The following ACAP2 variants were observed in gnomAD, a reference collection of about 807,000 sequenced individuals.
ACAP2 encodes the protein arf-GAP with coiled-coil, ANK repeat and PH domain-containing protein 2.
Under a neutral mutation model 115.8 loss-of-function variants are expected in ACAP2, and 39 were observed. That is an observed-to-expected ratio of 0.34 (90% CI 0.26 to 0.44). ACAP2 has a LOEUF of 0.44. ACAP2 is among the 20% of genes least tolerant of loss of function. The pLI, the probability that ACAP2 is intolerant of heterozygous loss-of-function variation, is 1.00. For missense variants in ACAP2, 662 were observed against 927.6 expected (o/e 0.71, Z 3.72); for synonymous variants, 289 against 315.8 (o/e 0.92, Z 0.90).
chr3:195,442,736 C>T, intron 1 of ACAP2, 59 bp downstream of exon 1: 1 of 1,509,584 alleles, frequency 6.6e-7, no homozygotes, highest in African/African-American at 1.5e-5. Flanking sequence ...GCCCGGCTTT[C>T]ACGCCCCCAG....
At chr3:195,282,298 T>C in intron 22 of ACAP2, 1 of 152,228 alleles carries the variant, frequency 6.6e-6, no homozygotes, top group African/African-American at 2.4e-5. Flanking sequence ...ATGAAAGTGT[T>C]GGTGCTATAA....
At chr3:195,373,215 CAGA>C (rs1733294547) in intron 4 of ACAP2, among the ~76,000 whole-genome samples, 2 of 150,752 alleles carry the variant, frequency 1.3e-5, no homozygotes, top group African/African-American at 4.9e-5. Context: ...TGCTTGAGCC[CAGA>C]AGTTCGTTTA....
Position 195,442,976 on chromosome 3 carries a change from C to A in ACAP2, c.-129G>T, listed in dbSNP as rs1037842170. The A allele has an allele frequency of 2.4e-5, 19 of 804,652 alleles. 1 individual carries two copies. The highest frequency in any genetic ancestry group is 1.7e-4 in the Admixed American group (4 of 23,894). 49.8% of individuals were successfully genotyped at this position (804,652 alleles called of 1,614,324 possible). ...TTGCGCGGAGCTGCGAAGGGCGCCT[C>A]GCCCGCTGGTCATAGCAGCCGCGAA... On this transcript the variant is annotated 5_prime_UTR_variant, in exon 1 of 23. Transcript: ENST00000326793.
chr3:195,372,319 T>C (rs1448674921), intron 4 of ACAP2, among the ~76,000 whole-genome samples: 1 of 152,296 alleles, frequency 6.6e-6, no homozygotes, highest in Non-Finnish European at 1.5e-5. Flanking sequence ...ACATGCATAA[T>C]GACTAATGCT....
chr3:195,381,133 TCAGA>T, intron 3 of ACAP2, 71 bp from the exon 4 acceptor site: 1 of 1,140,248 alleles, frequency 8.8e-7, no homozygotes, highest in African/African-American at 1.6e-5. Context: ...AAATGTGACC[TCAGA>T]ATTTCTGACA....
intron 4 of ACAP2, chr3:195,356,350 G>A (rs910184876): frequency 1.9e-5 from 7 of 360,094 alleles, no homozygotes; most frequent in East Asian, 7.5e-5. Flanking sequence ...TGCAAGCCTC[G>A]CCACCACAGG....
intron 1 of ACAP2, chr3:195,413,045 GA>G (rs1713419218): frequency 3.7e-6 from 1 of 268,438 alleles, no homozygotes; most frequent in African/African-American, 2.2e-5. Context: ...AAATATTTAA[GA>G]AAAATTAAAA....
chr3:195,435,120 A>C (rs1420826149), intron 1 of ACAP2, among the ~76,000 whole-genome samples: 2 of 149,688 alleles, frequency 1.3e-5, no homozygotes, highest in Admixed American at 1.3e-4. Flanking sequence ...CGCTGCTTTG[A>C]GATTTGCTTA....
At chr3:195,306,385 A>G (rs1027416414) in intron 13 of ACAP2, 126 bp downstream of exon 13, 1 of 518,654 alleles carries the variant, frequency 1.9e-6, no homozygotes, top group South Asian at 4.4e-5. Context: ...AGATTTTAAA[A>G]ATAAAACTCA....
chr3:195,303,554 T>G (rs1195110406), intron 13 of ACAP2, among the ~76,000 whole-genome samples: 1 of 151,962 alleles, frequency 6.6e-6, no homozygotes, highest in Non-Finnish European at 1.5e-5. Flanking sequence ...GACACCGTAC[T>G]CCAGCCTGGG....
chr3:195,285,657 A>G, intron 22 of ACAP2, 139 bp downstream of exon 22: 1 of 694,524 alleles, frequency 1.4e-6, no homozygotes, highest in Non-Finnish European at 2.4e-6. Context: ...ACAACTCACA[A>G]TTTACAAGTG....
chr3:195,408,453 G>A (rs1250397405), intron 1 of ACAP2, among the ~76,000 whole-genome samples: 1 of 152,090 alleles, frequency 6.6e-6, no homozygotes, highest in Non-Finnish European at 1.5e-5. Context: ...GACAGAGTGA[G>A]ATCCTGTCTC....
chr3:195,401,597 G>A (rs1202126540), intron 1 of ACAP2, among the ~76,000 whole-genome samples: 2 of 152,198 alleles, frequency 1.3e-5, no homozygotes, highest in African/African-American at 4.8e-5. Flanking sequence ...AACCCGGGAG[G>A]CAGAGGTTGC....
intron 11 of ACAP2, 57 bp downstream of exon 11, chr3:195,308,729 A>G: frequency 2.8e-6 from 4 of 1,415,756 alleles, no homozygotes; most frequent in Non-Finnish European, 4.0e-6. Flanking sequence ...ATGTTTACCA[A>G]AACAGATAAA....
intron 7 of ACAP2, among the ~76,000 whole-genome samples, chr3:195,334,991 G>A (rs1357784087): frequency 1.3e-5 from 2 of 152,116 alleles, no homozygotes; most frequent in African/African-American, 2.4e-5. Flanking sequence ...ACTATGACCT[G>A]CAAACTTTAT....
At chr3:195,319,988 C>T (rs771913716) in intron 10 of ACAP2, among the ~76,000 whole-genome samples, 7 of 152,080 alleles carry the variant, frequency 4.6e-5, no homozygotes, top group South Asian at 2.1e-4. Context: ...GTCATGGGAG[C>T]GGTTTCCCCC....
intron 6 of ACAP2, 134 bp downstream of exon 6, chr3:195,342,337 T>A (rs1730931481): frequency 3.5e-6 from 3 of 849,536 alleles, no homozygotes; most frequent in African/African-American, 1.8e-5. Context: ...CAGATGGAAA[T>A]TTTCCACCTA....
chr3:195,288,615 T>C (rs1035632438), intron 21 of ACAP2, among the ~76,000 whole-genome samples: 4 of 152,160 alleles, frequency 2.6e-5, no homozygotes, highest in African/African-American at 7.2e-5. Flanking sequence ...CCCAGCACTT[T>C]GGGAGGCCGA....
chr3:195,367,444 A>C (rs1732805463), intron 4 of ACAP2, among the ~76,000 whole-genome samples: 1 of 152,156 alleles, frequency 6.6e-6, no homozygotes. Flanking sequence ...TTAGTTGACT[A>C]TTGTCAAGCT....
Sources: gnomAD v4.1 joint callset for allele counts (sites outside exome capture counted in the v4.1 genomes callset) on GRCh38, gnomAD v4.1.1 for gene constraint, MANE v1.5 for transcripts, NCBI Gene and HGNC (gene_info 2026-07-23, HGNC 2026-07-21) for gene names.